Variants in RANBP2 observed in about 807,000 individuals in gnomAD.
The protein encoded by RANBP2 is RAN binding protein 2.
A neutral mutation model predicts 303.6 loss-of-function variants in RANBP2; 57 were observed. That is an observed-to-expected ratio of 0.19 (90% CI 0.15 to 0.23). The LOEUF is 0.23. Among genes scored for constraint, RANBP2 ranks in the 10% least tolerant of loss-of-function variants. The pLI is 1.00. For synonymous variants in RANBP2, 1,167 were observed against 1,301.5 expected, an observed-to-expected ratio of 0.90 and a Z score of 2.23; for missense variants, 3,138 against 3,780.8, an observed-to-expected ratio of 0.83 and a Z score of 4.46.
the RANBP2 span, among the ~76,000 whole-genome samples, chr2:109,029,065 G>C: frequency 6.6e-6 from 1 of 151,964 alleles, no homozygotes; most frequent in South Asian, 2.1e-4. Context: ...GATTACAGGC[G>C]TGAGGCACTG....
Position 108,784,537 on chromosome 2 carries a change from T to A in RANBP2, c.*636T>A, listed in dbSNP as rs1678474160. 1.3e-5 allele frequency: 2 copies of A among 152,680 alleles called. No homozygotes were observed. Among genetic ancestry groups the A allele is most frequent in the Non-Finnish European group, 2.9e-5 (2 of 68,046 alleles). The allele number at this position is 152,680 out of a possible 1,614,324, so 9.5% of individuals were successfully genotyped here. A position where few individuals can be genotyped will look rare whatever the true frequency, so the allele number is the denominator to read the frequency against. On this transcript the variant is annotated 3_prime_UTR_variant, in exon 29 of 29. Coordinates refer to ENST00000283195, the MANE Select transcript of RANBP2 (RefSeq NM_006267.5). ...CATAGATATTCGATTAATTTTTACA[T>A]TTTAAACAAGTTGACTATTTCCTTT...
chr2:109,711,909 G>A, the RANBP2 span, among the ~76,000 whole-genome samples: 1 of 152,064 alleles, frequency 6.6e-6, no homozygotes, highest in Admixed American at 6.6e-5. Flanking sequence ...CTTGGCTGCT[G>A]CTCGCTTCTC....
chr2:109,647,738 G>A, the RANBP2 span, among the ~76,000 whole-genome samples: 1 of 152,138 alleles, frequency 6.6e-6, no homozygotes, highest in African/African-American at 2.4e-5. Context: ...CCAAAGTACT[G>A]GGATTACAGG....
chr2:109,521,020 G>A, the RANBP2 span, among the ~76,000 whole-genome samples: 1 of 150,114 alleles, frequency 6.7e-6, no homozygotes, highest in Non-Finnish European at 1.5e-5. Flanking sequence ...ACGAGGTCAG[G>A]AGATCGAGAC....
At chr2:109,124,804 G>T in the RANBP2 span, among the ~76,000 whole-genome samples, 4 of 152,276 alleles carry the variant, frequency 2.6e-5, no homozygotes, top group South Asian at 6.2e-4. Context: ...TACGTTTAGG[G>T]TTGCCTGACT....
chr2:109,236,462 C>T, the RANBP2 span, among the ~76,000 whole-genome samples: 7 of 152,056 alleles, frequency 4.6e-5, no homozygotes, highest in African/African-American at 1.4e-4. Flanking sequence ...AGCTGTGAGC[C>T]GTGTTTTTTA....
the RANBP2 span, among the ~76,000 whole-genome samples, chr2:109,562,700 C>T: frequency 6.6e-6 from 1 of 152,158 alleles, no homozygotes; most frequent in East Asian, 1.9e-4. Flanking sequence ...CCTTCCACCT[C>T]AGTGCACAGA....
chr2:108,989,866 C>T, the RANBP2 span, among the ~76,000 whole-genome samples: 2 of 152,124 alleles, frequency 1.3e-5, no homozygotes, highest in Non-Finnish European at 2.9e-5. Flanking sequence ...TCATTTTCTC[C>T]CTCATTCACA....
At chr2:109,419,641 G>C in the RANBP2 span, 1 of 1,572,550 alleles carries the variant, frequency 6.4e-7, no homozygotes, top group Non-Finnish European at 8.6e-7. Flanking sequence ...GCCCCTCAAC[G>C]TGTGAGCTGC....
chr2:109,006,905 A>G, the RANBP2 span, among the ~76,000 whole-genome samples: 2 of 152,228 alleles, frequency 1.3e-5, no homozygotes, highest in South Asian at 2.1e-4. Flanking sequence ...TGAAAAATAC[A>G]TTTTTAAATA....
At chr2:108,883,376 G>A in the RANBP2 span, 2 of 152,182 alleles carry the variant, frequency 1.3e-5, no homozygotes, top group Non-Finnish European at 2.9e-5. Flanking sequence ...CACCTGCACG[G>A]GGCCATGTGC....
At chr2:109,647,384 G>T in the RANBP2 span, among the ~76,000 whole-genome samples, 1 of 151,754 alleles carries the variant, frequency 6.6e-6, no homozygotes. Flanking sequence ...AGATGGTCTC[G>T]ATATCTTAAC....
the RANBP2 span, among the ~76,000 whole-genome samples, chr2:109,240,238 G>A: frequency 1.3e-5 from 2 of 152,164 alleles, no homozygotes; most frequent in South Asian, 2.1e-4. Context: ...GGTGGCTCAC[G>A]CCTATAATTT....
the RANBP2 span, among the ~76,000 whole-genome samples, chr2:109,452,994 G>A: frequency 6.6e-6 from 1 of 151,612 alleles, no homozygotes; most frequent in African/African-American, 2.4e-5. Flanking sequence ...ATTCCCGGGA[G>A]GCTGGTCCCC....
chr2:109,718,789 C>T, the RANBP2 span, among the ~76,000 whole-genome samples: 1 of 151,842 alleles, frequency 6.6e-6, no homozygotes, highest in African/African-American at 2.4e-5. Flanking sequence ...ACCATCCTGG[C>T]CAACATGGTG....
chr2:109,665,975 G>C, the RANBP2 span, among the ~76,000 whole-genome samples: 1 of 151,946 alleles, frequency 6.6e-6, no homozygotes, highest in African/African-American at 2.4e-5. Flanking sequence ...GCTGGGTGTG[G>C]TGGTGGGTGC....
the RANBP2 span, among the ~76,000 whole-genome samples, chr2:108,928,900 G>A: frequency 4.1e-3 from 621 of 152,276 alleles, 4 homozygotes; most frequent in African/African-American, 0.014. Flanking sequence ...TTTCACATGC[G>A]CTACTGCACT....
the RANBP2 span, among the ~76,000 whole-genome samples, chr2:109,097,141 T>C: frequency 1.3e-5 from 2 of 152,056 alleles, no homozygotes; most frequent in African/African-American, 2.4e-5. Context: ...CCGTCTCTAC[T>C]AAAACTACAA....
chr2:109,630,816 A>G, the RANBP2 span, among the ~76,000 whole-genome samples: 1 of 152,204 alleles, frequency 6.6e-6, no homozygotes, highest in Non-Finnish European at 1.5e-5. Flanking sequence ...CTGTAATCCC[A>G]TCAGTTTGGT....
Sources: gnomAD v4.1 joint callset for allele counts (sites outside exome capture counted in the v4.1 genomes callset) on GRCh38, gnomAD v4.1.1 for gene constraint, MANE v1.5 for transcripts, NCBI Gene and HGNC (gene_info 2026-07-23, HGNC 2026-07-21) for gene names.